CWC22: variants seen among roughly 807,000 people sequenced by gnomAD.
The protein encoded by CWC22 is pre-mRNA-splicing factor CWC22 homolog.
CWC22 carries 53 observed loss-of-function variants against 117.2 expected under a neutral mutation model. The observed-to-expected ratio is 0.45, with a 90% CI of 0.36 to 0.57. CWC22 has a LOEUF of 0.57. Ranked by LOEUF, CWC22 falls within the 20% of genes least tolerant of loss-of-function variation. The pLI is 0.00. For missense variants in CWC22, 980 were observed against 1,068.8 expected (o/e 0.92, Z 1.16); for synonymous variants, 360 against 355.6 (o/e 1.01, Z -0.14).
intron 6 of CWC22, among the ~76,000 whole-genome samples, chr2:179,977,545 TGATGGTTACCAGAGGC>T (rs1687182136): frequency 6.6e-6 from 1 of 152,100 alleles, no homozygotes; most frequent in Non-Finnish European, 1.5e-5. Context: ...GAGTATAAAA[TGATGGTTACCAGAGGC>T]TGGGGGTTGG....
Position 179,950,539 on chromosome 2 carries a change from A to T in CWC22, c.2113T>A (p.Ser705Thr), listed in dbSNP as rs1052104584. The change falls in exon 19 of 20, where the codon TCC becomes ACC. Residue 705 changes from serine to threonine, a missense_variant. By Grantham distance (58) the Ser-to-Thr change is moderately conservative. This residue lies in a region of CWC22 where 306 missense variants were observed against 296.8 expected (regional missense o/e 1.03). Coordinates refer to ENST00000410053, the MANE Select transcript of CWC22 (RefSeq NM_020943.3). ...GAGGCAGAGCTATGACTACTGATGG[A>T]TGAAGAGTCGCTCTCTTCACTGGAA... ...ESSSEESDSSSISSHSSASAN... is the reference protein window; with the variant it reads ...ESSSEESDSSTISSHSSASAN... The T allele has an allele frequency of 6.2e-6, 10 of 1,611,174 alleles. No homozygotes were observed. The highest frequency in any genetic ancestry group is 8.5e-6 in the Non-Finnish European group (10 of 1,177,838).
In CWC22 at chr2:180,007,099, G is replaced by A. The variant is rs901205026; in HGVS notation, c.-346C>T. The A allele has an allele frequency of 1.1e-4, 16 of 152,202 alleles. No homozygotes were observed. The highest frequency in any genetic ancestry group is 3.4e-4 in the African/African-American group (14 of 41,450). 9.4% of individuals were successfully genotyped at this position (152,202 alleles called of 1,614,324 possible). On this transcript the variant is annotated 5_prime_UTR_variant, in exon 1 of 20. Transcript: ENST00000410053. ...AGCTCCACCGCGCCGCCATTACACCGGACGTACGTCACTTCCTCTTCCCGA... is the reference window on the plus strand; with the variant it reads ...AGCTCCACCGCGCCGCCATTACACCAGACGTACGTCACTTCCTCTTCCCGA...
At chr2:179,992,639 CACA>C (rs1687596234) in intron 2 of CWC22, among the ~76,000 whole-genome samples, 1 of 152,306 alleles carries the variant, frequency 6.6e-6, no homozygotes, top group African/African-American at 2.4e-5. Flanking sequence ...ATCTCCTCCC[CACA>C]ACAACTATAA....
At chr2:179,978,372 C>T in intron 5 of CWC22, 54 bp from the exon 6 acceptor site, 2 of 1,375,022 alleles carry the variant, frequency 1.5e-6, no homozygotes, top group Non-Finnish European at 1.9e-6. Flanking sequence ...TAATAAGAAG[C>T]TATAAGAACA....
intron 4 of CWC22, among the ~76,000 whole-genome samples, chr2:179,983,326 A>T (rs1687332363): frequency 6.6e-6 from 1 of 152,048 alleles, no homozygotes; most frequent in Admixed American, 6.6e-5. Context: ...ATGTGTTCTC[A>T]TAATTTAGCT....
chr2:179,957,840 TA>T, intron 14 of CWC22, among the ~76,000 whole-genome samples: 1 of 47,980 alleles, frequency 2.1e-5, no homozygotes, highest in Non-Finnish European at 4.4e-5. Context: ...TAATATACAT[TA>T]GAAAAAAAAA....
At position 179,965,817 on chromosome 2, in the gene CWC22, A is replaced by G. The variant is rs559311366; in HGVS notation, c.1315+61T>C. ...AGATTGAGAACTATTGTTTTAGAAG[A>G]TTACATTAGAATTAATTTTAGAGTA... is the stretch of plus-strand genomic sequence containing the variant. On this transcript the variant is annotated intron_variant, in intron 12 of 19. Transcript: ENST00000410053. 2.3e-5 allele frequency: 28 copies of G among 1,240,162 alleles called. No homozygotes were observed. In the African/African-American group the frequency reaches 4.2e-4, roughly 19 times the overall value. The allele number at this position is 1,240,162 out of a possible 1,614,324, so 76.8% of individuals were successfully genotyped here.
In CWC22 at chr2:179,971,024, G is replaced by C. The variant is rs1426915268; in HGVS notation, c.857C>G (p.Thr286Arg). The part of the protein sequence containing the change: ...EMLTLLLERP[T>R]DDSVEVAIGF... ...AATAGCTACTTCAACGCTATCATCT[G>C]TTGGTCTTTCCAGGAGCAAAGTGAG... is the stretch of plus-strand genomic sequence containing the variant. The change falls in exon 9 of 20, where the codon ACA (threonine) becomes AGA (arginine). Residue 286 changes from threonine (T) to arginine (R), a missense_variant. By Grantham distance (71) the Thr-to-Arg change is moderately conservative. Transcript: ENST00000410053. 1 of 1,610,024 alleles carries C rather than the reference G, an allele frequency of 6.2e-7. No individual in the cohort carries two copies. Among genetic ancestry groups the C allele is most frequent in the Admixed American group, 1.7e-5 (1 of 59,770 alleles).
Position 179,981,829 on chromosome 2 carries a change from A to G in CWC22, c.375T>C (p.Leu125=), listed in dbSNP as rs1439109452. 6.2e-7 allele frequency: 1 copy of G among 1,613,914 alleles called. No individual in the cohort carries two copies. The highest frequency in any genetic ancestry group is 8.5e-7 in the Non-Finnish European group (1 of 1,179,858). ...TKKKKDELDP[L]LTRTGGAYIP... is the part of the protein sequence containing the mutation. ...TATATGCTCCACCAGTGCGAGTAAGAAGAGGATCCAGCTCATCTTTCTTTT... is the reference window on the plus strand; with the variant it reads ...TATATGCTCCACCAGTGCGAGTAAGGAGAGGATCCAGCTCATCTTTCTTTT... The change falls in exon 5 of 20, where the codon CTT becomes CTC. Residue 125 remains leucine (L), a synonymous_variant. Transcript: ENST00000410053.
At position 179,950,806 on chromosome 2, in the gene CWC22, T is replaced by C. The variant is rs1199305897; in HGVS notation, c.1919+19A>G. The C allele has an allele frequency of 1.3e-6, 2 of 1,599,866 alleles. No homozygotes were observed. Among genetic ancestry groups the C allele is most frequent in the Non-Finnish European group, 1.7e-6 (2 of 1,168,940 alleles). On this transcript the variant is annotated intron_variant, in intron 18 of 19. Transcript: ENST00000410053. ...GATAATTTTATAATCTGAACATAAATTCTGAGAATAATCCTTACGTTAAAC... is the reference window on the plus strand; with the variant it reads ...GATAATTTTATAATCTGAACATAAACTCTGAGAATAATCCTTACGTTAAAC...
chr2:179,960,440 T>A (rs1379245030), intron 13 of CWC22, among the ~76,000 whole-genome samples: 2 of 151,862 alleles, frequency 1.3e-5, no homozygotes, highest in African/African-American at 4.8e-5. Context: ...GACAAAGAAA[T>A]AAAAGCTTTT....
At chr2:179,953,723 C>G (rs1468696083) in intron 16 of CWC22, among the ~76,000 whole-genome samples, 1 of 152,138 alleles carries the variant, frequency 6.6e-6, no homozygotes, top group African/African-American at 2.4e-5. Flanking sequence ...AGGATATCCT[C>G]TCTATAGCTT....
chr2:179,954,703 G>A (rs955600364), intron 15 of CWC22, among the ~76,000 whole-genome samples: 14 of 151,862 alleles, frequency 9.2e-5, no homozygotes, highest in African/African-American at 3.4e-4. Context: ...TTTACTTGTC[G>A]TCTATTGGGA....
intron 11 of CWC22, among the ~76,000 whole-genome samples, chr2:179,966,418 AAAG>A (rs1474377382): frequency 3.3e-5 from 5 of 152,238 alleles, no homozygotes; most frequent in Admixed American, 3.3e-4. Flanking sequence ...TTGGAAAGAC[AAAG>A]AAGGGAGAGA....
chr2:179,985,631 C>T (rs750622466), intron 4 of CWC22, among the ~76,000 whole-genome samples: 1 of 152,016 alleles, frequency 6.6e-6, no homozygotes, highest in South Asian at 2.1e-4. Context: ...TGATTAACCA[C>T]GGTCCAAAAA....
At chr2:179,961,930 A>T (rs992444945) in intron 13 of CWC22, among the ~76,000 whole-genome samples, 13 of 152,130 alleles carry the variant, frequency 8.5e-5, no homozygotes, top group Admixed American at 7.9e-4. Flanking sequence ...AAAAAAGAAG[A>T]CATTTACTGA....
chr2:179,959,637 T>C (rs1686695527), intron 13 of CWC22, among the ~76,000 whole-genome samples: 1 of 152,286 alleles, frequency 6.6e-6, no homozygotes, highest in Admixed American at 6.5e-5. Context: ...CTACATGCTA[T>C]GGCTGTTGCC....
At chr2:179,964,369 T>C (rs1348015942) in intron 13 of CWC22, among the ~76,000 whole-genome samples, 178 bp downstream of exon 13, 4 of 152,144 alleles carry the variant, frequency 2.6e-5, no homozygotes, top group Non-Finnish European at 5.9e-5. Context: ...AATTTGCCTA[T>C]AAAGCAAAGA....
intron 14 of CWC22, among the ~76,000 whole-genome samples, chr2:179,958,484 C>T (rs559401374): frequency 3.0e-4 from 45 of 152,174 alleles, no homozygotes; most frequent in African/African-American, 9.9e-4. Context: ...AGGCTGCATG[C>T]AGTCCAGGAC....
Sources: allele counts gnomAD v4.1 joint callset (sites outside exome capture counted in the v4.1 genomes callset), GRCh38; gene constraint gnomAD v4.1.1; regional missense constraint gnomAD v4.1.1; transcripts MANE v1.5; gene names NCBI Gene and HGNC (gene_info 2026-07-23, HGNC 2026-07-21).